Variants in GNAQ observed in about 807,000 individuals in gnomAD.
GNAQ encodes G protein subunit alpha q.
In GNAQ, 8 loss-of-function variants were observed where a neutral mutation model predicts 43.9. The ratio of observed to expected loss-of-function variants is 0.18; its 90% CI spans 0.11 to 0.33. GNAQ has a LOEUF of 0.33. GNAQ is among the 10% of genes least tolerant of loss of function. The pLI is 1.00. For synonymous variants in GNAQ, 155 were observed against 170.7 expected (o/e 0.91, Z 0.71); for missense variants, 158 against 450.8 (o/e 0.35, Z 5.88).
intron 3 of GNAQ, among the ~76,000 whole-genome samples, chr9:77,812,694 G>A (rs1253614088): frequency 6.6e-6 from 1 of 151,946 alleles, no homozygotes; most frequent in African/African-American, 2.4e-5. Flanking sequence ...ATGATAAAAA[G>A]AACTTAATTA....
intron 1 of GNAQ, among the ~76,000 whole-genome samples, chr9:78,004,655 C>T (rs1431595531): frequency 1.3e-5 from 2 of 152,054 alleles, no homozygotes; most frequent in Non-Finnish European, 2.9e-5. Flanking sequence ...CCAATACCTC[C>T]TGCACATATC....
intron 2 of GNAQ, among the ~76,000 whole-genome samples, chr9:77,863,438 C>T (rs143835810): frequency 4.6e-5 from 7 of 152,238 alleles, no homozygotes; most frequent in African/African-American, 1.7e-4. Context: ...TTTCACTGTC[C>T]ATATAATTAT....
At chr9:77,999,455 T>C (rs1423895785) in intron 1 of GNAQ, among the ~76,000 whole-genome samples, 1 of 152,144 alleles carries the variant, frequency 6.6e-6, no homozygotes. Flanking sequence ...TAAAAGCTGA[T>C]AGAGAAATTC....
At chr9:77,975,439 A>G (rs1823285958) in intron 1 of GNAQ, among the ~76,000 whole-genome samples, 1 of 151,942 alleles carries the variant, frequency 6.6e-6, no homozygotes, top group African/African-American at 2.4e-5. Flanking sequence ...CATTATACAG[A>G]TAAGGAAACA....
chr9:77,824,664 T>C (rs939346805), intron 2 of GNAQ, among the ~76,000 whole-genome samples: 2 of 152,204 alleles, frequency 1.3e-5, no homozygotes, highest in Admixed American at 1.3e-4. Context: ...ACAATGACTT[T>C]TAAAATTTTT....
chr9:77,872,803 C>T (rs1211002187), intron 2 of GNAQ, among the ~76,000 whole-genome samples: 1 of 152,158 alleles, frequency 6.6e-6, no homozygotes, highest in Non-Finnish European at 1.5e-5. Flanking sequence ...AATACACAGA[C>T]ACATGAAAGG....
At position 77,794,396 on chromosome 9, in the gene GNAQ, ACTTT is replaced by A. The variant is rs1236495468; in HGVS notation, c.735+63_735+66del. 6.3e-6 allele frequency: 7 copies of A among 1,111,614 alleles called. No individual in the cohort carries two copies. The African/African-American group carries it at 1.1e-4, about 17-fold the overall frequency. The allele number at this position is 1,111,614 out of a possible 1,614,324, so 68.9% of individuals were successfully genotyped here. The stretch of plus-strand genomic sequence containing the variant: ...AAGTTCACTCCATTCCCCACACCCT[ACTTT>A]CTATCATTTACTTGTATCAGATAAT... On this transcript the variant is annotated intron_variant, in intron 5 of 6. Transcript: ENST00000286548.
At chr9:77,787,744 T>C (rs921804316) in intron 5 of GNAQ, among the ~76,000 whole-genome samples, 24 of 152,200 alleles carry the variant, frequency 1.6e-4, no homozygotes, top group Non-Finnish European at 3.2e-4. Flanking sequence ...AAAACGCTTC[T>C]GCTGGCCAGG....
chr9:77,954,382 T>C (rs1823016938), intron 1 of GNAQ, among the ~76,000 whole-genome samples: 1 of 152,200 alleles, frequency 6.6e-6, no homozygotes. Context: ...GATGTCAACC[T>C]AGGCACAGCA....
At chr9:77,868,846 G>T (rs1278655994) in intron 2 of GNAQ, among the ~76,000 whole-genome samples, 1 of 152,050 alleles carries the variant, frequency 6.6e-6, no homozygotes, top group Admixed American at 6.6e-5. Flanking sequence ...AATCAGCCAG[G>T]CGTGGTGGCG....
intron 6 of GNAQ, among the ~76,000 whole-genome samples, chr9:77,722,031 C>T (rs1825322795): frequency 6.6e-6 from 1 of 152,150 alleles, no homozygotes; most frequent in African/African-American, 2.4e-5. Flanking sequence ...CTACAATGGG[C>T]CTCTGTAACA....
At chr9:77,829,000 C>T (rs982040893) in intron 2 of GNAQ, among the ~76,000 whole-genome samples, 9 of 152,150 alleles carry the variant, frequency 5.9e-5, no homozygotes, top group East Asian at 1.9e-4. Flanking sequence ...GGACTTTCCT[C>T]GTCATGCCTC....
chr9:78,029,999 G>T (rs1276315363), intron 1 of GNAQ, among the ~76,000 whole-genome samples: 1 of 152,114 alleles, frequency 6.6e-6, no homozygotes, highest in Admixed American at 6.5e-5. Context: ...TCCTCCCAGA[G>T]ATAATCATCA....
intron 1 of GNAQ, among the ~76,000 whole-genome samples, chr9:77,993,656 T>G (rs1587450912): frequency 6.6e-6 from 1 of 151,464 alleles, no homozygotes; most frequent in East Asian, 1.9e-4. Flanking sequence ...AAACCAAGAT[T>G]GGGCCACTGC....
At chr9:77,782,335 C>T (rs1027995214) in intron 5 of GNAQ, among the ~76,000 whole-genome samples, 4 of 152,164 alleles carry the variant, frequency 2.6e-5, no homozygotes, top group African/African-American at 9.7e-5. Flanking sequence ...GTGCCAAAGA[C>T]TTGTACATCT....
intron 2 of GNAQ, among the ~76,000 whole-genome samples, chr9:77,855,797 G>C (rs1405012361): frequency 1.3e-5 from 2 of 151,358 alleles, no homozygotes. Context: ...TGCTATAAAA[G>C]TCATGACTGG....
At chr9:77,809,801 A>G (rs1826889675) in intron 3 of GNAQ, among the ~76,000 whole-genome samples, 1 of 152,146 alleles carries the variant, frequency 6.6e-6, no homozygotes, top group Non-Finnish European at 1.5e-5. Flanking sequence ...AGCTCAAATC[A>G]TTTTATGGTG....
rs114043588 is a variant in GNAQ, at chr9:77,815,879, G to A, written c.322-109C>T. On this transcript the variant is annotated intron_variant, in intron 2 of 6. Coordinates refer to ENST00000286548, the MANE Select transcript of GNAQ (RefSeq NM_002072.5). ...AGGTAACACCTTCCTTCATATACTG[G>A]TCTTTACACTGGTTTACAATAAAGT... 1.5e-3 allele frequency: 1,016 copies of A among 660,240 alleles called. 10 individuals carry two copies. In the African/African-American group the frequency reaches 0.017, roughly 11 times the overall value. The allele number at this position is 660,240 out of a possible 1,614,324, so 40.9% of individuals were successfully genotyped here.
At chr9:78,002,920 C>T (rs1823661262) in intron 1 of GNAQ, among the ~76,000 whole-genome samples, 1 of 151,888 alleles carries the variant, frequency 6.6e-6, no homozygotes, top group Admixed American at 6.6e-5. Flanking sequence ...GCATCTAGTA[C>T]AGAACGAGAT....
Sources: gnomAD v4.1 joint callset for allele counts (sites outside exome capture counted in the v4.1 genomes callset) on GRCh38, gnomAD v4.1.1 for gene constraint, MANE v1.5 for transcripts, NCBI Gene and HGNC (gene_info 2026-07-23, HGNC 2026-07-21) for gene names.